Variants in CUBN observed in about 807,000 individuals in gnomAD.
CUBN encodes the protein 460 kDa receptor.
In CUBN, 282 loss-of-function variants were observed where a neutral mutation model predicts 405.3. The observed-to-expected ratio is 0.70, with a 90% CI of 0.63 to 0.77. CUBN has a LOEUF of 0.77. CUBN is among the 30% of genes least tolerant of loss of function. The pLI is 0.00. For missense variants in CUBN, 4,514 were observed against 4,475.2 expected (o/e 1.01, Z -0.25); for synonymous variants, 1,684 against 1,617.0 (o/e 1.04, Z -0.99).
chr10:16,850,118 C>A (rs535051590), intron 60 of CUBN, among the ~76,000 whole-genome samples: 1 of 152,196 alleles, frequency 6.6e-6, no homozygotes, highest in South Asian at 2.1e-4. Flanking sequence ...TTTTCCCTCG[C>A]TCTATCAAGT....
intron 38 of CUBN, 50 bp downstream of exon 38, chr10:16,938,913 A>G: frequency 6.8e-7 from 1 of 1,474,658 alleles, no homozygotes; most frequent in Non-Finnish European, 9.4e-7. Flanking sequence ...TATTTTTACC[A>G]ATAGCAATTC....
At chr10:17,047,298 C>T (rs1375617749) in intron 23 of CUBN, 116 bp downstream of exon 23, 5 of 800,166 alleles carry the variant, frequency 6.2e-6, no homozygotes, top group Non-Finnish European at 9.9e-6. Flanking sequence ...CAAGAAAGTG[C>T]ACAGCAGGGA....
chr10:16,831,510 G>A (rs1048449864), intron 64 of CUBN, 93 bp from the exon 65 acceptor site: 27 of 1,174,438 alleles, frequency 2.3e-5, no homozygotes, highest in African/African-American at 6.0e-5. Flanking sequence ...GACATTGGTC[G>A]GAAAAGCTTT....
At chr10:17,038,947 A>G (rs1834957321) in intron 27 of CUBN, among the ~76,000 whole-genome samples, 1 of 152,220 alleles carries the variant, frequency 6.6e-6, no homozygotes. Flanking sequence ...AGGGGCTCTA[A>G]TGAGCTACTC....
chr10:17,009,053 G>A (rs985890599), intron 28 of CUBN, among the ~76,000 whole-genome samples: 3 of 152,180 alleles, frequency 2.0e-5, no homozygotes, highest in Non-Finnish European at 2.9e-5. Context: ...TCAAACTAAA[G>A]ACCTACTTCA....
intron 62 of CUBN, among the ~76,000 whole-genome samples, chr10:16,839,293 C>T (rs565551006): frequency 2.0e-5 from 3 of 152,194 alleles, no homozygotes; most frequent in East Asian, 3.9e-4. Flanking sequence ...TCAAGTTTCT[C>T]GACACACCTG....
At chr10:16,999,624 C>T (rs1041722452) in intron 28 of CUBN, among the ~76,000 whole-genome samples, 6 of 152,294 alleles carry the variant, frequency 3.9e-5, no homozygotes, top group Admixed American at 3.9e-4. Context: ...TACTAACCTT[C>T]CCTGAAATAA....
intron 17 of CUBN, among the ~76,000 whole-genome samples, chr10:17,081,594 C>A (rs1298905003): frequency 3.3e-5 from 5 of 152,036 alleles, no homozygotes; most frequent in African/African-American, 7.2e-5. Context: ...GAATTTGGTT[C>A]CTGTATCACT....
Position 16,963,187 on chromosome 10 carries a change from C to CTTTTTTTTTTTTTTTTTTTTTTTTTTTTT in CUBN, c.4696-8640_4696-8639insAAAAAAAAAAAAAAAAAAAAAAAAAAAAA, listed in dbSNP as rs1189695066. Among the ~76,000 whole-genome samples the CTTTTTTTTTTTTTTTTTTTTTTTTTTTTT allele has an allele frequency of 3.6e-5, 3 of 84,350 alleles. 1 individual carries two copies. Among genetic ancestry groups the CTTTTTTTTTTTTTTTTTTTTTTTTTTTTT allele is most frequent in the Non-Finnish European group, 6.7e-5 (3 of 44,714 alleles). The allele number at this position is 84,350 out of a possible 152,430, so 55.3% of individuals were successfully genotyped here. On this transcript the variant is annotated intron_variant, in intron 31 of 66. Coordinates refer to ENST00000377833, the MANE Select transcript of CUBN (RefSeq NM_001081.4). ...ATACATTTCTTTTTTCTTTTCTTTTCTTTTTTTTCTTTTTTTTTTTTTTTT... is the reference window on the plus strand; with the variant it reads ...ATACATTTCTTTTTTCTTTTCTTTTCTTTTTTTTTTTTTTTTTTTTTTTTTTTTTTTTTTTTTCTTTTTTTTTTTTTTTT...
At chr10:16,825,223 C>A (rs529284339) in intron 66 of CUBN, 141 bp from the exon 67 acceptor site, 5 of 642,174 alleles carry the variant, frequency 7.8e-6, no homozygotes, top group South Asian at 6.6e-5. Flanking sequence ...CTTGAAGTAA[C>A]CTTGCAAAGA....
chr10:16,989,873 C>A (rs929270660), intron 29 of CUBN, among the ~76,000 whole-genome samples: 1 of 152,228 alleles, frequency 6.6e-6, no homozygotes, highest in Non-Finnish European at 1.5e-5. Context: ...CTCTATGCTC[C>A]GCCACACGAA....
At chr10:16,961,031 G>A (rs1843203358) in intron 31 of CUBN, among the ~76,000 whole-genome samples, 1 of 152,176 alleles carries the variant, frequency 6.6e-6, no homozygotes, top group African/African-American at 2.4e-5. Flanking sequence ...CTAGCCAGAA[G>A]TGAGAACTAA....
chr10:17,129,512 TG>T (rs1488874177), intron 1 of CUBN, 131 bp downstream of exon 1: 2 of 1,202,700 alleles, frequency 1.7e-6, no homozygotes, highest in African/African-American at 3.0e-5. Flanking sequence ...TCAGTCTAAA[TG>T]TTTTTCCCTG....
intron 31 of CUBN, among the ~76,000 whole-genome samples, chr10:16,982,242 G>C (rs777286823): frequency 6.6e-6 from 1 of 152,118 alleles, no homozygotes; most frequent in Non-Finnish European, 1.5e-5. Context: ...AAAATGAAAA[G>C]CCAACAGGCT....
At chr10:17,009,798 G>C (rs1426603783) in intron 28 of CUBN, among the ~76,000 whole-genome samples, 1 of 152,168 alleles carries the variant, frequency 6.6e-6, no homozygotes, top group Non-Finnish European at 1.5e-5. Context: ...CTGAGCCCAG[G>C]CTTCCTGGTT....
At chr10:16,983,616 T>G (rs562667221) in intron 30 of CUBN, among the ~76,000 whole-genome samples, 3 of 152,232 alleles carry the variant, frequency 2.0e-5, no homozygotes, top group African/African-American at 7.2e-5. Context: ...TGCTAACATC[T>G]GTTACACTAT....
At chr10:17,065,688 T>C (rs1453011955) in intron 21 of CUBN, 50 bp from the exon 22 acceptor site, 2 of 1,608,114 alleles carry the variant, frequency 1.2e-6, no homozygotes, top group East Asian at 2.2e-5. Context: ...TTTGGTATAC[T>C]GAAAATGATG....
At chr10:17,081,464 T>C (rs4748346) in intron 17 of CUBN, among the ~76,000 whole-genome samples, 130,321 of 152,170 alleles carry the variant, frequency 0.86, 56,016 homozygotes, top group Middle Eastern at 0.95. Context: ...CCAAAGTATT[T>C]GAAATACCAA....
At chr10:17,083,260 C>G (rs2131862077) in intron 17 of CUBN, among the ~76,000 whole-genome samples, 1 of 152,096 alleles carries the variant, frequency 6.6e-6, no homozygotes, top group Non-Finnish European at 1.5e-5. Flanking sequence ...AATCCCAGCA[C>G]TTTGGGAGGC....
Sources: gnomAD v4.1 joint callset for allele counts (sites outside exome capture counted in the v4.1 genomes callset) on GRCh38, gnomAD v4.1.1 for gene constraint, MANE v1.5 for transcripts, NCBI Gene and HGNC (gene_info 2026-07-23, HGNC 2026-07-21) for gene names.